Variants in PGAP1 observed in about 807,000 individuals in gnomAD.
PGAP1 encodes the protein GPI inositol-deacylase.
PGAP1 carries 76 observed loss-of-function variants against 127.0 expected under a neutral mutation model. The observed-to-expected ratio is 0.60, with a 90% confidence interval of 0.50 to 0.72. The LOEUF (loss-of-function observed/expected upper bound fraction) is 0.72, where lower values mean the gene tolerates loss of function less well. Among genes scored for constraint, PGAP1 ranks in the 30% least tolerant of loss-of-function variants. PGAP1 has a pLI of 0.00. For missense variants in PGAP1, 982 were observed against 1,071.3 expected (o/e 0.92, Z 1.16); for synonymous variants, 362 against 366.5 (o/e 0.99, Z 0.14).
intron 20 of PGAP1, among the ~76,000 whole-genome samples, chr2:196,862,690 C>T (rs752100177): frequency 4.6e-5 from 7 of 152,142 alleles, no homozygotes; most frequent in East Asian, 1.9e-4. Flanking sequence ...AGCCAGCCAA[C>T]GCTTAGGGAA....
At chr2:196,916,046 T>C (rs1702995535) in intron 3 of PGAP1, among the ~76,000 whole-genome samples, 2 of 152,180 alleles carry the variant, frequency 1.3e-5, no homozygotes, top group Admixed American at 6.5e-5. Flanking sequence ...TCAAAACAGG[T>C]GCTTCACATA....
chr2:196,881,540 G>A (rs1197914684), intron 12 of PGAP1, among the ~76,000 whole-genome samples: 1 of 152,102 alleles, frequency 6.6e-6, no homozygotes, highest in African/African-American at 2.4e-5. Flanking sequence ...GTTATTTTTT[G>A]ACTTTTTAAT....
At position 196,843,991 on chromosome 2, in the gene PGAP1, C is replaced by T. The variant is rs1169639805; in HGVS notation, c.2422G>A (p.Asp808Asn). 4.4e-6 allele frequency: 7 copies of T among 1,607,748 alleles called. No homozygotes were observed. The highest frequency in any genetic ancestry group is 3.4e-6 in the Non-Finnish European group (4 of 1,175,638). The change falls in exon 25 of 27, where the codon GAT becomes AAT. Residue 808 changes from aspartate to asparagine, a missense_variant. Physicochemically the swap from Asp to Asn is conservative, Grantham distance 23 (BLOSUM62 1). Coordinates refer to ENST00000354764, the MANE Select transcript of PGAP1 (RefSeq NM_024989.4). Reference protein sequence around the residue: ...SIHHLRLSANDAEDSLRMHST... With the variant: ...SIHHLRLSANNAEDSLRMHST... ...TGCATGCGAAGGCTATCTTCAGCAT[C>T]GTTGGCAGATAAACGAAGATGGTGT...
chr2:196,920,505 A>T (rs1703153452), intron 1 of PGAP1, among the ~76,000 whole-genome samples: 1 of 152,316 alleles, frequency 6.6e-6, no homozygotes, highest in South Asian at 2.1e-4. Flanking sequence ...AATTATACTT[A>T]GAAATGATAA....
At chr2:196,893,098 G>C (rs1325296026) in intron 8 of PGAP1, 42 bp downstream of exon 8, 2 of 1,200,100 alleles carry the variant, frequency 1.7e-6, no homozygotes, top group Non-Finnish European at 1.2e-6. Context: ...GATTAATAAT[G>C]AAATACTTCA....
intron 17 of PGAP1, 69 bp from the exon 18 acceptor site, chr2:196,872,618 C>A: frequency 4.6e-6 from 5 of 1,078,566 alleles, no homozygotes; most frequent in Admixed American, 1.8e-5. Flanking sequence ...CTAAGTTAAT[C>A]CTCAGCACAA....
chr2:196,854,057 G>A lies in PGAP1; in HGVS notation c.1862-6020C>T, dbSNP rs185978838. Among the ~76,000 whole-genome samples, 822 of 151,506 alleles carry A rather than the reference G, an allele frequency of 5.4e-3. 9 individuals carry two copies. Among genetic ancestry groups the A allele is most frequent in the Non-Finnish European group, 8.3e-3 (562 of 67,844 alleles). ...AGGTGTATGTACGCCACCACATATG[G>A]CTAATTATTTTTTATTTTTTGTACA... is the stretch of plus-strand genomic sequence containing the variant. On this transcript the variant is annotated intron_variant, in intron 20 of 26. Transcript: ENST00000354764.
chr2:196,926,445 G>A (rs1045104138), intron 1 of PGAP1, 25 bp downstream of exon 1: 1 of 1,613,678 alleles, frequency 6.2e-7, no homozygotes, highest in African/African-American at 1.3e-5. Context: ...TGGAGCGCCC[G>A]GCTGAGGAGA....
At chr2:196,850,230 T>C (rs1487905751) in intron 20 of PGAP1, among the ~76,000 whole-genome samples, 4 of 152,220 alleles carry the variant, frequency 2.6e-5, no homozygotes, top group Admixed American at 6.5e-5. Context: ...TAGCATCTTA[T>C]CATTTCTTGT....
chr2:196,922,639 C>A (rs1703239689), intron 1 of PGAP1: 1 of 582,574 alleles, frequency 1.7e-6, no homozygotes, highest in Non-Finnish European at 2.2e-6. Flanking sequence ...AGAGAGACAT[C>A]CTTTAAAATC....
chr2:196,840,511 C>G lies in PGAP1; in HGVS notation c.*723G>C, dbSNP rs1700377201. On this transcript the variant is annotated 3_prime_UTR_variant, in exon 27 of 27. Transcript: ENST00000354764. Reference sequence around the variant, plus strand: ...TTTTTTCTTTACATTTAACAGCAGACCTCTTTAATAGTCTCCTGATGTTCA... The same window carrying G: ...TTTTTTCTTTACATTTAACAGCAGAGCTCTTTAATAGTCTCCTGATGTTCA... 6.6e-6 allele frequency: 1 copy of G among 151,932 alleles called. No homozygotes were observed. Among genetic ancestry groups the G allele is most frequent in the African/African-American group, 2.4e-5 (1 of 41,356 alleles). The allele number at this position is 151,932 out of a possible 1,614,324, so 9.4% of individuals were successfully genotyped here.
At chr2:196,857,080 G>A (rs945296649) in intron 20 of PGAP1, among the ~76,000 whole-genome samples, 6 of 152,128 alleles carry the variant, frequency 3.9e-5, no homozygotes, top group Non-Finnish European at 5.9e-5. Flanking sequence ...AAAGGGCATC[G>A]AAATAGGAAG....
intron 20 of PGAP1, among the ~76,000 whole-genome samples, chr2:196,862,894 GGCAAC>G (rs1701113731): frequency 6.6e-6 from 1 of 152,024 alleles, no homozygotes; most frequent in Non-Finnish European, 1.5e-5. Context: ...CTCCAGCCTG[GGCAAC>G]AAGAGCAAAA....
intron 23 of PGAP1, 97 bp downstream of exon 23, chr2:196,845,785 G>T: frequency 9.8e-7 from 1 of 1,019,508 alleles, no homozygotes; most frequent in Non-Finnish European, 1.4e-6. Flanking sequence ...TTACTACAGT[G>T]TTTATGAGAA....
Position 196,847,969 on chromosome 2 carries a change from T to C in PGAP1, c.1930A>G (p.Ile644Val), listed in dbSNP as rs761459339. The change falls in exon 21 of 27, where the codon ATT becomes GTT. Residue 644 changes from isoleucine (I) to valine (V), a missense_variant. Transcript: ENST00000354764. ...AKPYKVDPFV[I>V]IIKFLLGYKW... ...TACCCCAACAGAAACTTAATGATAA[T>C]TACAAAAGGATCAACTTTGTATGGT... 6.3e-7 allele frequency: 1 copy of C among 1,596,106 alleles called. No homozygotes were observed. Among genetic ancestry groups the C allele is most frequent in the South Asian group, 1.1e-5 (1 of 87,082 alleles).
At chr2:196,859,518 G>A (rs776705310) in intron 20 of PGAP1, among the ~76,000 whole-genome samples, 9 of 151,400 alleles carry the variant, frequency 5.9e-5, no homozygotes, top group Non-Finnish European at 1.3e-4. Context: ...CATTCTATGA[G>A]GCCAGCATAA....
At chr2:196,917,566 G>T (rs994175636) in intron 2 of PGAP1, among the ~76,000 whole-genome samples, 6 of 152,108 alleles carry the variant, frequency 3.9e-5, no homozygotes, top group Admixed American at 6.5e-5. Flanking sequence ...GTCTCTACGG[G>T]TTTGCCTATT....
chr2:196,882,677 G>T (rs1701770610), intron 12 of PGAP1, among the ~76,000 whole-genome samples: 1 of 152,144 alleles, frequency 6.6e-6, no homozygotes, highest in Non-Finnish European at 1.5e-5. Context: ...CAATAGGAAT[G>T]TTAGTTATTT....
chr2:196,905,650 C>T (rs1170408669), intron 4 of PGAP1, among the ~76,000 whole-genome samples: 1 of 151,826 alleles, frequency 6.6e-6, no homozygotes, highest in African/African-American at 2.4e-5. Context: ...GCGTGAGCGA[C>T]GCAGAAGACG....
Sources: allele counts gnomAD v4.1 joint callset (sites outside exome capture counted in the v4.1 genomes callset), GRCh38; gene constraint gnomAD v4.1.1; transcripts MANE v1.5; gene names NCBI Gene and HGNC (gene_info 2026-07-23, HGNC 2026-07-21).